Variants in TDRD15 observed in about 807,000 individuals in gnomAD.
TDRD15 encodes the protein tudor domain-containing protein 15.
For synonymous variants in TDRD15, 503 were observed against 314.5 expected (o/e 1.60, Z -6.34); for missense variants, 1,416 against 904.7 (o/e 1.57, Z -7.25).
Position 21,138,535 on chromosome 2 carries a change from G to C in TDRD15, c.1068G>C (p.Leu356=), listed in dbSNP as rs927930385. Residue 356 remains leucine (L), a synonymous_variant, in exon 4 of 4, where the codon CTG becomes CTC. Transcript: ENST00000405799. ...CATTATTTTCATTTCCATGTTCTCT[G>C]ACATGTTTGCACAGTCCAGATAGAG... is the stretch of plus-strand genomic sequence containing the variant. ...LVPLFSFPCS[L]TCLHSPDRDA... The C allele has an allele frequency of 1.4e-6, 1 of 715,662 alleles. No homozygotes were observed. Among genetic ancestry groups the C allele is most frequent in the East Asian group, 2.7e-5 (1 of 37,282 alleles). 44.3% of individuals were successfully genotyped at this position (715,662 alleles called of 1,614,324 possible). A position where few individuals can be genotyped will look rare whatever the true frequency, so the allele number is the denominator to read the frequency against.
rs945858373 is a variant in TDRD15 at position 21,141,379 on chromosome 2, C to T, written c.3912C>T (p.Ile1304=). Residue 1304 remains isoleucine, a synonymous_variant, in exon 4 of 4, where the codon ATC becomes ATT. Transcript: ENST00000405799. The part of the protein sequence containing the change: ...NAKVKGYVSN[I]SNPANFHIQL... ...AAGTTAAAGGGTATGTATCTAATAT[C>T]AGTAATCCAGCGAATTTCCATATTC... The T allele has an allele frequency of 1.3e-5, 9 of 713,890 alleles. No homozygotes were observed. The highest frequency in any genetic ancestry group is 1.2e-4 in the African/African-American group (7 of 57,046). The allele number at this position is 713,890 out of a possible 1,614,324, so 44.2% of individuals were successfully genotyped here.
In TDRD15 at chr2:21,139,728, C is replaced by A. The variant is rs1665882746; in HGVS notation, c.2261C>A (p.Pro754Gln). 1.4e-6 allele frequency: 1 copy of A among 715,448 alleles called. No individual in the cohort carries two copies. The highest frequency in any genetic ancestry group is 1.5e-5 in the South Asian group (1 of 67,498). 44.3% of individuals were successfully genotyped at this position (715,448 alleles called of 1,614,324 possible). ...CCTTATAAAGAATATATTTTTAGAC[C>A]AGGAACAGTTCTTGAAGTTAAATGT... Reference protein sequence around the residue: ...SWPYKEYIFRPGTVLEVKCSC... With the variant: ...SWPYKEYIFRQGTVLEVKCSC... Residue 754 changes from proline to glutamine, a missense_variant, in exon 4 of 4, where the codon CCA becomes CAA. By Grantham distance (76) the Pro-to-Gln change is moderately conservative (BLOSUM62 -1). Transcript: ENST00000405799.
In TDRD15 at chr2:21,136,322, A is replaced by T. The variant is rs559521304; in HGVS notation, c.-3-1143A>T. ...ATCTTTTTCCTCTGAGCTTTGGGGT[A>T]TTTAGTCAAAATTTTCTTCTAATTT... On this transcript the variant is annotated intron_variant, in intron 3 of 3. Transcript: ENST00000405799. Among the ~76,000 whole-genome samples, 4 of 152,048 alleles carry T rather than the reference A, an allele frequency of 2.6e-5. No homozygotes were observed. In the South Asian group the frequency reaches 8.3e-4, roughly 32 times the overall value.
chr2:21,130,984 G>A (rs1665707882), intron 2 of TDRD15, among the ~76,000 whole-genome samples: 1 of 152,000 alleles, frequency 6.6e-6, no homozygotes, highest in African/African-American at 2.4e-5. Context: ...TGTGCAGATC[G>A]ACTCTAGGAA....
In TDRD15 at chr2:21,142,287, T is replaced by G; in HGVS notation, c.4820T>G (p.Val1607Gly). The G allele has an allele frequency of 1.4e-6, 1 of 690,136 alleles. No homozygotes were observed. 42.8% of individuals were successfully genotyped at this position (690,136 alleles called of 1,614,324 possible). A position where few individuals can be genotyped will look rare whatever the true frequency, so the allele number is the denominator to read the frequency against. ...AAGTATGTTGATGATAAAGTACTTG[T>G]TTTTTTAGTAGATTGTGGTATCTAT... is the stretch of plus-strand genomic sequence containing the variant. ...EEKYVDDKVL[V>G]FLVDCGIYEI... The change falls in exon 4 of 4, where the codon GTT becomes GGT. Residue 1607 changes from valine to glycine, a missense_variant. Coordinates refer to ENST00000405799, the MANE Select transcript of TDRD15 (RefSeq NM_001306137.2).
chr2:21,136,502 A>G (rs1665809673), intron 3 of TDRD15, among the ~76,000 whole-genome samples: 1 of 151,966 alleles, frequency 6.6e-6, no homozygotes, highest in African/African-American at 2.4e-5. Context: ...ATGGAGTAGC[A>G]TTTCCTTGGT....
chr2:21,130,805 T>A (rs1246037911), intron 2 of TDRD15, among the ~76,000 whole-genome samples: 1 of 152,206 alleles, frequency 6.6e-6, no homozygotes, highest in African/African-American at 2.4e-5. Flanking sequence ...TTGTATTATT[T>A]ACTACCAAAC....
intron 2 of TDRD15, among the ~76,000 whole-genome samples, chr2:21,131,103 A>C (rs1042419134): frequency 6.6e-6 from 1 of 152,214 alleles, no homozygotes; most frequent in Non-Finnish European, 1.5e-5. Flanking sequence ...AACAACTGAC[A>C]GTATCTGTCA....
intron 3 of TDRD15, 66 bp from the exon 4 acceptor site, chr2:21,137,399 T>C (rs1382178706): frequency 1.8e-6 from 1 of 544,468 alleles, no homozygotes; most frequent in African/African-American, 1.9e-5. Context: ...TATATTTATA[T>C]GCCAAACATA....
chr2:21,145,364 A>G (rs187913359), downstream of TDRD15, among the ~76,000 whole-genome samples: 10 of 152,096 alleles, frequency 6.6e-5, no homozygotes, highest in African/African-American at 2.2e-4. Context: ...GCACCAAACC[A>G]TACATTTTGG....
At position 21,142,107 on chromosome 2, in the gene TDRD15, C is replaced by A; in HGVS notation, c.4640C>A (p.Ser1547Tyr). 1 of 678,896 alleles carries A rather than the reference C, an allele frequency of 1.5e-6. No individual in the cohort carries two copies. Among genetic ancestry groups the A allele is most frequent in the South Asian group, 1.7e-5 (1 of 59,446 alleles). The allele number at this position is 678,896 out of a possible 1,614,324, so 42.1% of individuals were successfully genotyped here. A position where few individuals can be genotyped will look rare whatever the true frequency, so the allele number is the denominator to read the frequency against. ...AGTGGAAGATTTTATGTGAAGTTAT[C>A]CAAAAATAAAAAAATTTTATCAGAT... ...SKSGRFYVKL[S>Y]KNKKILSDLI... The change falls in exon 4 of 4, where the codon TCC becomes TAC. Residue 1547 changes from serine to tyrosine, a missense_variant. Ser to Tyr is a moderately radical substitution (Grantham distance 144). Coordinates refer to ENST00000405799, the MANE Select transcript of TDRD15 (RefSeq NM_001306137.2).
downstream of TDRD15, among the ~76,000 whole-genome samples, chr2:21,145,974 C>A (rs569218501): frequency 6.6e-6 from 1 of 152,056 alleles, no homozygotes; most frequent in South Asian, 2.1e-4. Flanking sequence ...ACGCCTGGGT[C>A]CCTATTAAAA....
rs1184236545 is a variant in TDRD15 at position 21,137,625 on chromosome 2, C to T, written c.158C>T (p.Thr53Ile). 2.8e-6 allele frequency: 2 copies of T among 714,888 alleles called. No individual in the cohort carries two copies. Among genetic ancestry groups the T allele is most frequent in the South Asian group, 3.0e-5 (2 of 66,962 alleles). The allele number at this position is 714,888 out of a possible 1,614,324, so 44.3% of individuals were successfully genotyped here. Reference protein sequence around the residue: ...YHVLQREIQHTPKVKNNVEID... With the variant: ...YHVLQREIQHIPKVKNNVEID... ...GTATTGCAGAGAGAAATACAACATA[C>T]TCCAAAAGTGAAAAATAATGTGGAA... Residue 53 changes from threonine (T) to isoleucine (I), a missense_variant, in exon 4 of 4, where the codon ACT becomes ATT. Coordinates refer to ENST00000405799, the MANE Select transcript of TDRD15 (RefSeq NM_001306137.2).
At chr2:21,146,336 T>C (rs2103451088), downstream of TDRD15, among the ~76,000 whole-genome samples, 1 of 152,196 alleles carries the variant, frequency 6.6e-6, no homozygotes, top group East Asian at 1.9e-4. Flanking sequence ...ATGCAGAAGT[T>C]GCCACCCTTT....
rs1324923162 is a variant in TDRD15 at position 21,139,428 on chromosome 2, C to T, written c.1961C>T (p.Ser654Phe). The change falls in exon 4 of 4, where the codon TCT (serine) becomes TTT (phenylalanine). Residue 654 changes from serine to phenylalanine, a missense_variant. Transcript: ENST00000405799. The stretch of plus-strand genomic sequence containing the variant: ...GCCTCAGAAAATATTGATGTTATCT[C>T]TCTTATGTTACAAGCTGGATATGCA... ...VEASENIDVI[S>F]LMLQAGYAEY... The T allele has an allele frequency of 8.4e-6, 6 of 712,528 alleles. No homozygotes were observed. The highest frequency in any genetic ancestry group is 1.6e-5 in the Non-Finnish European group (6 of 383,406). The allele number at this position is 712,528 out of a possible 1,614,324, so 44.1% of individuals were successfully genotyped here.
chr2:21,137,052 A>G (rs1186572542), intron 3 of TDRD15, among the ~76,000 whole-genome samples: 1 of 152,054 alleles, frequency 6.6e-6, no homozygotes, highest in East Asian at 1.9e-4. Flanking sequence ...GTTGTTGGAA[A>G]GAGTTTGCAT....
chr2:21,125,484 AG>A (rs1665569133), intron 1 of TDRD15, among the ~76,000 whole-genome samples: 1 of 150,332 alleles, frequency 6.7e-6, no homozygotes, highest in African/African-American at 2.4e-5. Context: ...GTTGTGTGTG[AG>A]TTGTTGCGTG....
Position 21,142,341 on chromosome 2 carries a change from T to A in TDRD15, c.4874T>A (p.Leu1625Gln), listed in dbSNP as rs1020719447. 2 of 687,274 alleles carry A rather than the reference T, an allele frequency of 2.9e-6. No homozygotes were observed. Among genetic ancestry groups the A allele is most frequent in the Non-Finnish European group, 2.7e-6 (1 of 374,914 alleles). 42.6% of individuals were successfully genotyped at this position (687,274 alleles called of 1,614,324 possible). Residue 1625 changes from leucine to glutamine, a missense_variant, in exon 4 of 4, where the codon CTG becomes CAG. Coordinates refer to ENST00000405799, the MANE Select transcript of TDRD15 (RefSeq NM_001306137.2). Reference protein sequence around the residue: ...YEIVPVCNTKLLSNEIRNIPR... With the variant: ...YEIVPVCNTKQLSNEIRNIPR... ...ATAGTACCTGTATGTAATACCAAGCTGCTTAGTAATGAAATAAGAAACATT... is the reference window on the plus strand; with the variant it reads ...ATAGTACCTGTATGTAATACCAAGCAGCTTAGTAATGAAATAAGAAACATT...
Position 21,138,899 on chromosome 2 carries a change from A to G in TDRD15, c.1432A>G (p.Met478Val). 1 of 715,846 alleles carries G rather than the reference A, an allele frequency of 1.4e-6. No homozygotes were observed. The highest frequency in any genetic ancestry group is 2.6e-6 in the Non-Finnish European group (1 of 384,096). The allele number at this position is 715,846 out of a possible 1,614,324, so 44.3% of individuals were successfully genotyped here. ...KVGFPIKTVQ[M>V]EIEAAYIAFI... Reference sequence around the variant, plus strand: ...AGGTTTTCCCATTAAAACAGTACAAATGGAGATAGAGGCTGCCTACATAGC... The same window carrying G: ...AGGTTTTCCCATTAAAACAGTACAAGTGGAGATAGAGGCTGCCTACATAGC... The change falls in exon 4 of 4, where the codon ATG becomes GTG. Residue 478 changes from methionine (M) to valine (V), a missense_variant. Physicochemically the swap from Met to Val is conservative, Grantham distance 21 (BLOSUM62 1). Coordinates refer to ENST00000405799, the MANE Select transcript of TDRD15 (RefSeq NM_001306137.2).
Sources: gnomAD v4.1 joint callset for allele counts (sites outside exome capture counted in the v4.1 genomes callset) on GRCh38, gnomAD v4.1.1 for gene constraint, MANE v1.5 for transcripts, NCBI Gene and HGNC (gene_info 2026-07-23, HGNC 2026-07-21) for gene names.